Variants in NPS observed in about 807,000 individuals in gnomAD.
NPS encodes the protein neuropeptide S, also known as prepro-neuropeptide S.
Under a neutral mutation model 7.2 loss-of-function variants are expected in NPS, and 6 were observed. The ratio of observed to expected loss-of-function variants is 0.83; its 90% confidence interval spans 0.46 to 1.64. NPS has a LOEUF of 1.64. Ranked by LOEUF, NPS falls within the 40% of genes most tolerant of loss-of-function variation. NPS has a pLI of 0.01. For missense variants in NPS, 123 were observed against 97.8 expected, an observed-to-expected ratio of 1.26 and a Z score of -1.09; for synonymous variants, 42 against 36.7, an observed-to-expected ratio of 1.14 and a Z score of -0.52.
In NPS at chr10:127,552,938, A is replaced by G. The variant is rs1427275527; in HGVS notation, c.*299A>G. On this transcript the variant is annotated 3_prime_UTR_variant, in exon 3 of 3. Coordinates refer to ENST00000398023, the MANE Select transcript of NPS (RefSeq NM_001030013.2). ...TTTAACTTGGCCAGAAAGCATGAGC[A>G]TGTTGACAGTCATCACGATAGTATG... is the stretch of plus-strand genomic sequence containing the variant. 6.6e-6 allele frequency among the ~76,000 whole-genome samples: 1 copy of G among 152,158 alleles called. No individual in the cohort carries two copies. The highest frequency in any genetic ancestry group is 1.5e-5 in the Non-Finnish European group (1 of 68,038).
rs1250884709 is a variant in NPS, at chr10:127,553,248, G to T, written c.*609G>T. Among the ~76,000 whole-genome samples the T allele has an allele frequency of 6.6e-6, 1 of 152,070 alleles. No individual in the cohort carries two copies. Among genetic ancestry groups the T allele is most frequent in the African/African-American group, 2.4e-5 (1 of 41,404 alleles). Reference sequence around the variant, plus strand: ...CAAATATACTTAGCTATAGGGTGTTGTTTTGTTGTCTTGTCTTGGAAATTT... The same window carrying T: ...CAAATATACTTAGCTATAGGGTGTTTTTTTGTTGTCTTGTCTTGGAAATTT... On this transcript the variant is annotated 3_prime_UTR_variant, in exon 3 of 3. Coordinates refer to ENST00000398023, the MANE Select transcript of NPS (RefSeq NM_001030013.2).
chr10:127,552,575 G>A lies in NPS; in HGVS notation c.206G>A (p.Arg69Lys), dbSNP rs541200400. ...ATTTTGGAGAAGATGTTTGTGAAAA[G>A]GTCCTTTCGCAATGGAGTTGGCACA... ...KPILEKMFVK[R>K]SFRNGVGTGM... The change falls in exon 3 of 3, where the codon AGG becomes AAG. Residue 69 changes from arginine (R) to lysine (K), a missense_variant. By Grantham distance (26) the Arg-to-Lys change is conservative. Coordinates refer to ENST00000398023, the MANE Select transcript of NPS (RefSeq NM_001030013.2). The A allele has an allele frequency of 8.1e-6, 13 of 1,613,608 alleles. No homozygotes were observed. The highest frequency in any genetic ancestry group is 4.0e-5 in the African/African-American group (3 of 74,900).
chr10:127,549,818 A>T (rs767581536), intron 2 of NPS, among the ~76,000 whole-genome samples: 1 of 152,206 alleles, frequency 6.6e-6, no homozygotes, highest in African/African-American at 2.4e-5. Context: ...GGAAATATTC[A>T]TCTCAATCTA....
Position 127,549,488 on chromosome 10 carries a change from G to A in NPS, c.9-1G>A. 1 of 1,609,356 alleles carries A rather than the reference G, an allele frequency of 6.2e-7. No individual in the cohort carries two copies. The highest frequency in any genetic ancestry group is 8.5e-7 in the Non-Finnish European group (1 of 1,175,796). On this transcript the variant is annotated splice_acceptor_variant, in intron 1 of 2. Transcript: ENST00000398023. LOFTEE classifies it high-confidence loss of function. ...GATTGTACTTTTTTTCTACTTTGCA[G>A]CTCAGTAAAACTCAATCTCATCCTA...
intron 2 of NPS, among the ~76,000 whole-genome samples, chr10:127,551,436 G>GA (rs917518841): frequency 2.6e-5 from 4 of 151,496 alleles, no homozygotes; most frequent in Non-Finnish European, 4.4e-5. Flanking sequence ...CACCAAGATA[G>GA]AAAAAAAAGT....
chr10:127,551,152 G>A (rs1164827310), intron 2 of NPS, among the ~76,000 whole-genome samples: 1 of 152,042 alleles, frequency 6.6e-6, no homozygotes, highest in African/African-American at 2.4e-5. Flanking sequence ...GTTAGCACAC[G>A]GAAAAATACA....
chr10:127,551,959 G>C (rs1379806181), intron 2 of NPS, among the ~76,000 whole-genome samples: 1 of 152,122 alleles, frequency 6.6e-6, no homozygotes. Context: ...ATCCAGCCTC[G>C]AGCCAGTGAT....
rs191941982 is a variant in NPS, at chr10:127,552,794, A to T, written c.*155A>T. Among the ~76,000 whole-genome samples the T allele has an allele frequency of 1.2e-3, 181 of 152,126 alleles. 1 individual carries two copies. Among genetic ancestry groups the T allele is most frequent in the African/African-American group, 4.2e-3 (175 of 41,538 alleles). On this transcript the variant is annotated 3_prime_UTR_variant, in exon 3 of 3. Coordinates refer to ENST00000398023, the MANE Select transcript of NPS (RefSeq NM_001030013.2). ...GGTACAGAGTAAATTGAGTAAAAAA[A>T]GAAAAAAAATGTAAACATGTCTCAA... is the stretch of plus-strand genomic sequence containing the variant.
Position 127,552,646 on chromosome 10 carries a change from G to A in NPS, c.*7G>A, listed in dbSNP as rs763815197. 3 of 1,596,788 alleles carry A rather than the reference G, an allele frequency of 1.9e-6. No homozygotes were observed. The South Asian group carries it at 3.3e-5, about 18-fold the overall frequency. ...TCAAAGAGCAAAATCATGACTAAGT[G>A]TGCAAAGGACTCGGGGAATTAATCT... is the stretch of plus-strand genomic sequence containing the variant. On this transcript the variant is annotated 3_prime_UTR_variant, in exon 3 of 3. Transcript: ENST00000398023.
chr10:127,550,114 AT>A (rs1844844369), intron 2 of NPS, among the ~76,000 whole-genome samples: 1 of 152,194 alleles, frequency 6.6e-6, no homozygotes, highest in Non-Finnish European at 1.5e-5. Flanking sequence ...ATTTAATATT[AT>A]TTCTACATAA....
chr10:127,552,674 C>T lies in NPS; in HGVS notation c.*35C>T. The T allele has an allele frequency of 7.0e-7, 1 of 1,426,100 alleles. No homozygotes were observed. The highest frequency in any genetic ancestry group is 1.4e-5 in the African/African-American group (1 of 71,452). The allele number at this position is 1,426,100 out of a possible 1,614,324, so 88.3% of individuals were successfully genotyped here. ...CAAAGGACTCGGGGAATTAATCTAA[C>T]TGTAGAGTGTGACTGACGTACTCAA... is the stretch of plus-strand genomic sequence containing the variant. On this transcript the variant is annotated 3_prime_UTR_variant, in exon 3 of 3. Coordinates refer to ENST00000398023, the MANE Select transcript of NPS (RefSeq NM_001030013.2).
chr10:127,549,482 T>A lies in NPS; in HGVS notation c.9-7T>A. 1 of 1,608,180 alleles carries A rather than the reference T, an allele frequency of 6.2e-7. No homozygotes were observed. The highest frequency in any genetic ancestry group is 8.5e-7 in the Non-Finnish European group (1 of 1,174,634). On this transcript the variant is annotated splice_polypyrimidine_tract_variant and splice_region_variant and intron_variant, in intron 1 of 2. Coordinates refer to ENST00000398023, the MANE Select transcript of NPS (RefSeq NM_001030013.2). ...AATCTTGATTGTACTTTTTTTCTAC[T>A]TTGCAGCTCAGTAAAACTCAATCTC...
At chr10:127,552,310 A>C in intron 2 of NPS, 150 bp from the exon 3 acceptor site, 1 of 628,418 alleles carries the variant, frequency 1.6e-6, no homozygotes, top group South Asian at 2.1e-5. Context: ...ATCTAGATAA[A>C]GTAGATATTG....
At chr10:127,552,336 T>A in intron 2 of NPS, 124 bp from the exon 3 acceptor site, 1 of 652,640 alleles carries the variant, frequency 1.5e-6, no homozygotes, top group Non-Finnish European at 2.7e-6. Flanking sequence ...TAGCAAAACT[T>A]CTGCCTTTAA....
intron 2 of NPS, among the ~76,000 whole-genome samples, chr10:127,550,739 T>C (rs1456667950): frequency 6.6e-6 from 1 of 152,252 alleles, no homozygotes; most frequent in Non-Finnish European, 1.5e-5. Flanking sequence ...GTTTTGTTCT[T>C]GTTATTACCT....
rs1844834741 is a variant in NPS at position 127,549,359 on chromosome 10, G to A, written c.-10G>A. 6.2e-7 allele frequency: 1 copy of A among 1,605,662 alleles called. No individual in the cohort carries two copies. The highest frequency in any genetic ancestry group is 8.5e-7 in the Non-Finnish European group (1 of 1,173,630). The stretch of plus-strand genomic sequence containing the variant: ...AACCACCTATCTTTACAGATTTTGG[G>A]AAGTCCAAAATGATTAGGTAAAAGG... On this transcript the variant is annotated 5_prime_UTR_variant, in exon 1 of 3. Transcript: ENST00000398023.
At chr10:127,551,300 G>T (rs1197973455) in intron 2 of NPS, among the ~76,000 whole-genome samples, 1 of 151,912 alleles carries the variant, frequency 6.6e-6, no homozygotes, top group Non-Finnish European at 1.5e-5. Context: ...GGAATGATTT[G>T]TCTGGGTTGC....
rs1313943448 is a variant in NPS at position 127,552,464 on chromosome 10, C to T, written c.95C>T (p.Ser32Phe). The T allele has an allele frequency of 6.3e-7, 1 of 1,597,728 alleles. No individual in the cohort carries two copies. Among genetic ancestry groups the T allele is most frequent in the Non-Finnish European group, 8.6e-7 (1 of 1,166,402 alleles). ...CTCACCCATCTGAATTGCCAGGTGT[C>T]TGGAAAATCTGATTACTTTCTCATT... ...WCYPVPSSKV[S>F]GKSDYFLILL... The change falls in exon 3 of 3, where the codon TCT becomes TTT. Residue 32 changes from serine (S) to phenylalanine (F), a missense_variant. Coordinates refer to ENST00000398023, the MANE Select transcript of NPS (RefSeq NM_001030013.2).
rs541200400 is a variant in NPS, at chr10:127,552,575, G to T, written c.206G>T (p.Arg69Met). Reference protein sequence around the residue: ...KPILEKMFVKRSFRNGVGTGM... With the variant: ...KPILEKMFVKMSFRNGVGTGM... ...ATTTTGGAGAAGATGTTTGTGAAAA[G>T]GTCCTTTCGCAATGGAGTTGGCACA... The change falls in exon 3 of 3, where the codon AGG becomes ATG. Residue 69 changes from arginine (R) to methionine (M), a missense_variant. Transcript: ENST00000398023. 15 of 1,613,724 alleles carry T rather than the reference G, an allele frequency of 9.3e-6. No homozygotes were observed. The East Asian group carries it at 1.6e-4, about 17-fold the overall frequency.
Sources: gnomAD v4.1 joint callset for allele counts (sites outside exome capture counted in the v4.1 genomes callset) on GRCh38, gnomAD v4.1.1 for gene constraint, MANE v1.5 for transcripts, NCBI Gene and HGNC (gene_info 2026-07-23, HGNC 2026-07-21) for gene names.